SHANK1: variants seen among roughly 807,000 people sequenced by gnomAD.
SHANK1 encodes the protein SH3 and multiple ankyrin repeat domains protein 1.
SHANK1 carries 35 observed loss-of-function variants against 165.6 expected under a neutral mutation model. The observed-to-expected ratio is 0.21, with a 90% CI of 0.16 to 0.28. The LOEUF (loss-of-function observed/expected upper bound fraction) is 0.28. Among genes scored for constraint, SHANK1 ranks in the 10% least tolerant of loss-of-function variants. SHANK1 has a pLI of 1.00. For missense variants in SHANK1, 2,681 were observed against 3,036.4 expected, an observed-to-expected ratio of 0.88 and a Z score of 2.75; for synonymous variants, 1,428 against 1,384.8, an observed-to-expected ratio of 1.03 and a Z score of -0.69.
In SHANK1 at chr19:50,668,938, C is replaced by CGTGGTGGTGGTGGTGGTGGGGCGG; in HGVS notation, c.2998_3021dup (p.Pro1000_His1007dup). 1 of 210,600 alleles carries CGTGGTGGTGGTGGTGGTGGGGCGG rather than the reference C, an allele frequency of 4.7e-6. No homozygotes were observed. The highest frequency in any genetic ancestry group is 7.8e-6 in the Non-Finnish European group (1 of 128,394). 13.0% of individuals were successfully genotyped at this position (210,600 alleles called of 1,614,324 possible). ...TGGTGGTGGGGCTGAGGGGGCGGGG[C>CGTGGTGGTGGTGGTGGTGGGGCGG]GTGGTGGTGGTGGTGGTGGGGCGGG... On this transcript the variant is annotated inframe_insertion, in exon 23 of 24. Transcript: ENST00000293441.
intron 9 of SHANK1, 62 bp downstream of exon 9, chr19:50,704,375 G>C: frequency 6.7e-7 from 1 of 1,481,770 alleles, no homozygotes; most frequent in Non-Finnish European, 9.4e-7. Flanking sequence ...TTATCCACTG[G>C]GTGTCACTGT....
chr19:50,673,035 C>T (rs772598497), intron 21 of SHANK1, among the ~76,000 whole-genome samples: 1 of 152,110 alleles, frequency 6.6e-6, no homozygotes, highest in Non-Finnish European at 1.5e-5. Flanking sequence ...AAGAATCACC[C>T]TCCTTCAGAG....
Position 50,669,083 on chromosome 19 carries a change from A to C in SHANK1, c.2877T>G (p.Gly959=). The change falls in exon 23 of 24, where the codon GGT becomes GGG. Residue 959 remains glycine, a synonymous_variant. Transcript: ENST00000293441. ...CAGGGGAGGAGGCGGGGAGGGGGCC[A>C]CCAGAGCCAGGGTTGAAGGGCCCTC... The part of the protein sequence containing the change: ...PRGGPFNPGS[G]GPLPASSPAS... 1 of 1,316,932 alleles carries C rather than the reference A, an allele frequency of 7.6e-7. No individual in the cohort carries two copies. Among genetic ancestry groups the C allele is most frequent in the Non-Finnish European group, 1.0e-6 (1 of 994,048 alleles). 81.6% of individuals were successfully genotyped at this position (1,316,932 alleles called of 1,614,324 possible). A position where few individuals can be genotyped will look rare whatever the true frequency, so the allele number is the denominator to read the frequency against.
chr19:50,715,919 TG>T (rs2089064030), intron 3 of SHANK1, among the ~76,000 whole-genome samples, 189 bp from the exon 4 acceptor site: 3 of 152,050 alleles, frequency 2.0e-5, no homozygotes, highest in African/African-American at 7.2e-5. Flanking sequence ...CCGACAGTGC[TG>T]GGTATTATGG....
chr19:50,675,011 G>T (rs549274617), intron 21 of SHANK1, among the ~76,000 whole-genome samples: 1 of 146,738 alleles, frequency 6.8e-6, no homozygotes. Flanking sequence ...GCAGTGAGCC[G>T]AGATTGTGCC....
In SHANK1 at chr19:50,666,597, G is replaced by A. The variant is rs766828630; in HGVS notation, c.5363C>T (p.Ser1788Leu). 8.7e-6 allele frequency: 14 copies of A among 1,601,112 alleles called. No homozygotes were observed. Among genetic ancestry groups the A allele is most frequent in the African/African-American group, 1.3e-5 (1 of 74,850 alleles). The change falls in exon 23 of 24, where the codon TCG (serine) becomes TTG (leucine). Residue 1788 changes from serine to leucine, a missense_variant. Around this residue, in one of 10 missense-constraint regions of SHANK1, gnomAD observed 1,713 missense variants for 1,630.2 expected, o/e 1.05. Transcript: ENST00000293441. ...DPVTPTSPTV[S>L]VTGAGTDGLL... ...CCCATCGGTTCCAGCCCCTGTCACC[G>A]AGACGGTGGGGCTGGTGGGGGTAAC...
Position 50,718,814 on chromosome 19 carries a change from CG to C in SHANK1, c.-44+591del, listed in dbSNP as rs959209713. 1.3e-3 allele frequency among the ~76,000 whole-genome samples: 13 copies of C among 10,372 alleles called. No individual in the cohort carries two copies. The highest frequency in any genetic ancestry group is 5.2e-3 in the African/African-American group (13 of 2,522). The allele number at this position is 10,372 out of a possible 152,430, so 6.8% of individuals were successfully genotyped here. On this transcript the variant is annotated intron_variant, in intron 1 of 23. Transcript: ENST00000293441. This position sits in a 1 kb window ranked among gnomAD's most constrained non-coding sequence, Gnocchi z 5.1. ...GGGAGAACCCGGCCGGGGAGAGGGG[CG>C]GGGGGCACCGGGGAGCAGGAGTCGG...
At position 50,718,520 on chromosome 19, in the gene SHANK1, C is replaced by T. The variant is rs2089094762; in HGVS notation, c.-44+886G>A. On this transcript the variant is annotated intron_variant, in intron 1 of 23. Transcript: ENST00000293441. The surrounding 1 kb of genome is among the most constrained non-coding windows in gnomAD (Gnocchi z 5.1). ...TCCGGCCCCTCCCCCTCAGGGCTCG[C>T]GGGAGGGAGCGGGCACGCTCCGCCG... Among the ~76,000 whole-genome samples, 1 of 152,182 alleles carries T rather than the reference C, an allele frequency of 6.6e-6. No homozygotes were observed. Among genetic ancestry groups the T allele is most frequent in the African/African-American group, 2.4e-5 (1 of 41,454 alleles).
rs922629825 is a variant in SHANK1, at chr19:50,702,187, G to C, written c.1747+280C>G. ...CTCCCTCCCCAGAAAGGGCCATCAG[G>C]AGTCTAATGAGACGATTTGGTGAGA... On this transcript the variant is annotated intron_variant, in intron 12 of 23. Transcript: ENST00000293441. This position sits in a 1 kb window ranked among gnomAD's most constrained non-coding sequence, Gnocchi z 5.3. Among the ~76,000 whole-genome samples the C allele has an allele frequency of 6.6e-6, 1 of 152,250 alleles. No homozygotes were observed. The highest frequency in any genetic ancestry group is 2.1e-4 in the South Asian group (1 of 4,824).
chr19:50,661,015 AAG>A lies in SHANK1; in HGVS notation c.*948_*949del, dbSNP rs1185670078. 6.6e-6 allele frequency among the ~76,000 whole-genome samples: 1 copy of A among 151,996 alleles called. No homozygotes were observed. The highest frequency in any genetic ancestry group is 1.5e-5 in the Non-Finnish European group (1 of 67,996). On this transcript the variant is annotated 3_prime_UTR_variant, in exon 24 of 24. Coordinates refer to ENST00000293441, the MANE Select transcript of SHANK1 (RefSeq NM_016148.5). The stretch of plus-strand genomic sequence containing the variant: ...GGAAGAATCTGGGGTTTTTAAGAAT[AAG>A]AAGGGAAAGTGCTTCAACGTAAGAA...
rs960008866 is a variant in SHANK1 at position 50,662,113 on chromosome 19, G to A, written c.6338C>T (p.Ala2113Val). 11 of 1,613,858 alleles carry A rather than the reference G, an allele frequency of 6.8e-6. No homozygotes were observed. Among genetic ancestry groups the A allele is most frequent in the South Asian group, 3.3e-5 (3 of 91,062 alleles). Residue 2113 changes from alanine to valine, a missense_variant, in exon 24 of 24, where the codon GCG becomes GTG. Physicochemically the swap from Ala to Val is moderately conservative, Grantham distance 64. This residue lies in a region of SHANK1 where 49 missense variants were observed against 94.2 expected (regional missense o/e 0.52). Coordinates refer to ENST00000293441, the MANE Select transcript of SHANK1 (RefSeq NM_016148.5). This position sits in a 1 kb window ranked among gnomAD's most constrained non-coding sequence, Gnocchi z 7.7. ...GTCCAGGAACTGGGCTCGGTGCTCC[G>A]CCAAACCCAGCCACTCCAGCCAATC... is the stretch of plus-strand genomic sequence containing the variant. ...VADWLEWLGL[A>V]EHRAQFLDHE...
At chr19:50,675,356 G>A (rs909238522) in intron 21 of SHANK1, among the ~76,000 whole-genome samples, 2 of 152,196 alleles carry the variant, frequency 1.3e-5, no homozygotes, top group East Asian at 1.9e-4. Context: ...CCTGTGGCTG[G>A]TGGCTACCAA....
chr19:50,708,234 C>T (rs887672868), intron 8 of SHANK1, among the ~76,000 whole-genome samples: 3 of 152,036 alleles, frequency 2.0e-5, no homozygotes, highest in Non-Finnish European at 2.9e-5. Context: ...TGTGAGGCAC[C>T]GCGCCTGGCT....
chr19:50,694,567 G>A (rs560440272), intron 15 of SHANK1, among the ~76,000 whole-genome samples: 4 of 123,098 alleles, frequency 3.2e-5, no homozygotes, highest in Non-Finnish European at 3.4e-5. Flanking sequence ...TAGGGGGCCT[G>A]CTGGGAGGAA....
At chr19:50,699,032 A>G (rs1217488318) in intron 12 of SHANK1, among the ~76,000 whole-genome samples, 1 of 152,230 alleles carries the variant, frequency 6.6e-6, no homozygotes, top group East Asian at 1.9e-4. Context: ...CCTTGCCTGG[A>G]GATGGCTCCA....
intron 8 of SHANK1, among the ~76,000 whole-genome samples, chr19:50,707,908 TTTCTTTTC>T: frequency 2.3e-5 from 1 of 43,666 alleles, no homozygotes; most frequent in East Asian, 2.9e-4. Flanking sequence ...TTTCTTTTCT[TTTCTTTTC>T]TTTTCTTTTC....
intron 5 of SHANK1, 106 bp downstream of exon 5, chr19:50,714,076 T>C (rs1337187096): frequency 1.3e-6 from 2 of 1,522,892 alleles, no homozygotes; most frequent in African/African-American, 2.7e-5. Context: ...TGGACAGCAA[T>C]GTGTTTGGGA....
rs916758933 is a variant in SHANK1 at position 50,686,464 on chromosome 19, C to G, written c.2459-109G>C. The stretch of plus-strand genomic sequence containing the variant: ...CCCGCAGTTCATCCAGCACCTGGAT[C>G]AACCAGGAAAGGGCAGCCCTGCCTG... On this transcript the variant is annotated intron_variant, in intron 20 of 23. Coordinates refer to ENST00000293441, the MANE Select transcript of SHANK1 (RefSeq NM_016148.5). The surrounding 1 kb of genome is among the most constrained non-coding windows in gnomAD (Gnocchi z 5.7). The G allele has an allele frequency of 3.5e-6, 3 of 857,432 alleles. No individual in the cohort carries two copies. Among genetic ancestry groups the G allele is most frequent in the Non-Finnish European group, 5.6e-6 (3 of 539,742 alleles). 53.1% of individuals were successfully genotyped at this position (857,432 alleles called of 1,614,324 possible).
chr19:50,696,719 C>T (rs1199900871), intron 15 of SHANK1, among the ~76,000 whole-genome samples: 1 of 152,058 alleles, frequency 6.6e-6, no homozygotes, highest in African/African-American at 2.4e-5. Context: ...AGTACACACG[C>T]ACAGTGACAT....
Sources: allele counts gnomAD v4.1 joint callset (sites outside exome capture counted in the v4.1 genomes callset), GRCh38; gene constraint gnomAD v4.1.1; regional missense constraint gnomAD v4.1.1; non-coding constraint Gnocchi (gnomAD v3.1); transcripts MANE v1.5; gene names NCBI Gene and HGNC (gene_info 2026-07-23, HGNC 2026-07-21).